G6PD: variants seen among roughly 807,000 people sequenced by gnomAD.
G6PD encodes glucose-6-phosphate dehydrogenase, also known as glucose-6-phosphate 1-dehydrogenase.
Under a neutral mutation model 38.2 loss-of-function variants are expected in G6PD, and 2 were observed. That is an observed-to-expected ratio of 0.05 (90% CI 0.02 to 0.16). The LOEUF is 0.16. Among genes scored for constraint, G6PD ranks in the 10% least tolerant of loss-of-function variants. G6PD has a pLI of 1.00. For synonymous variants in G6PD, 188 were observed against 196.0 expected, an observed-to-expected ratio of 0.96 and a Z score of 0.34; for missense variants, 310 against 471.6, an observed-to-expected ratio of 0.66 and a Z score of 3.17.
intron 2 of G6PD, among the ~76,000 whole-genome samples, chrX:154,545,489 G>A (rs1603414843): frequency 1.8e-5 from 2 of 111,512 alleles, no homozygotes; most frequent in East Asian, 5.6e-4. Flanking sequence ...TCCCTAAAGA[G>A]CCTGCAACTC....
At chrX:154,543,149 G>GA (rs1372468479) in intron 2 of G6PD, among the ~76,000 whole-genome samples, 6 of 112,034 alleles carry the variant, frequency 5.4e-5, no homozygotes, top group African/African-American at 1.6e-4. Flanking sequence ...GCAGGAAGAG[G>GA]AAAAAACAAA....
intron 2 of G6PD, among the ~76,000 whole-genome samples, chrX:154,537,695 A>G (rs1303388705): frequency 8.9e-6 from 1 of 112,565 alleles, no homozygotes; most frequent in East Asian, 2.8e-4. Flanking sequence ...CCCCTGGCAT[A>G]GAGAGTGTTG....
intron 2 of G6PD, chrX:154,545,698 G>C (rs2070684340): frequency 4.3e-6 from 1 of 233,996 alleles, no homozygotes; most frequent in African/African-American, 2.9e-5. Context: ...AGCCGGGTGT[G>C]GTGGTGCATG....
Position 154,531,731 on chromosome X carries a change from C to G in G6PD, c.*269G>C. ...CAGACGAATGGGCGCCCTCCTCCTT[C>G]CTTCTGTTGGGCTGGAGTGAGTGGA... On this transcript the variant is annotated 3_prime_UTR_variant, in exon 13 of 13. Coordinates refer to ENST00000393562, the MANE Select transcript of G6PD (RefSeq NM_001360016.2). The G allele has an allele frequency of 2.6e-6, 1 of 381,311 alleles. No homozygotes were observed. Among genetic ancestry groups the G allele is most frequent in the East Asian group, 4.6e-5 (1 of 21,515 alleles). The allele number at this position is 381,311 out of a possible 1,213,427, so 31.4% of individuals were successfully genotyped here. A position where few individuals can be genotyped will look rare whatever the true frequency, so the allele number is the denominator to read the frequency against.
At chrX:154,542,462 T>C (rs781801725) in intron 2 of G6PD, 4 of 1,168,364 alleles carry the variant, frequency 3.4e-6, no homozygotes, top group Non-Finnish European at 4.6e-6. Flanking sequence ...AGTAAGTACC[T>C]CGGCTCCCTT....
chrX:154,534,774 G>C (rs1816818661), intron 5 of G6PD, among the ~76,000 whole-genome samples: 1 of 111,852 alleles, frequency 8.9e-6, no homozygotes, highest in Admixed American at 9.4e-5. Context: ...TGAGTGGCCT[G>C]AAGGCCTGTA....
chrX:154,546,784 G>GT lies in G6PD; in HGVS notation c.-9+4dup. 1 of 1,158,445 alleles carries GT rather than the reference G, an allele frequency of 8.6e-7. No individual in the cohort carries two copies. Among genetic ancestry groups the GT allele is most frequent in the Admixed American group, 2.5e-5 (1 of 40,048 alleles). On this transcript the variant is annotated splice_donor_region_variant and intron_variant, in intron 1 of 12. Transcript: ENST00000393562. Reference sequence around the variant, plus strand: ...CGCCTGCGCGGCGCCCGCCCGGCCGGTTACCTGCGCTTCGTCGTCGTCGCC... The same window carrying GT: ...CGCCTGCGCGGCGCCCGCCCGGCCGGTTTACCTGCGCTTCGTCGTCGTCGCC...
rs2070401587 is a variant in G6PD at position 154,535,833 on chromosome X, G to A, written c.267+104C>T. ...CAGGCGGGGCGGGGCAGGAGAGGAG[G>A]AGAGCATCCCGGGATGGGATGGGGG... On this transcript the variant is annotated intron_variant, in intron 4 of 12. Transcript: ENST00000393562. The A allele has an allele frequency of 9.3e-6, 6 of 644,188 alleles. No homozygotes were observed. In the South Asian group the frequency reaches 1.4e-4, roughly 15 times the overall value. The allele number at this position is 644,188 out of a possible 1,213,427, so 53.1% of individuals were successfully genotyped here.
At chrX:154,542,110 G>A in intron 2 of G6PD, 1 of 417,699 alleles carries the variant, frequency 2.4e-6, no homozygotes, top group Non-Finnish European at 4.1e-6. Flanking sequence ...GGGCTTTGGG[G>A]GAGTGCCAAC....
In G6PD at chrX:154,532,045, G is replaced by A. The variant is rs2070342758; in HGVS notation, c.1503C>T (p.Phe501=). 2 of 1,208,790 alleles carry A rather than the reference G, an allele frequency of 1.7e-6. No homozygotes were observed. The highest frequency in any genetic ancestry group is 1.8e-5 in the African/African-American group (1 of 57,114). The change falls in exon 13 of 13, where the codon TTC becomes TTT. Residue 501 remains phenylalanine (F), a synonymous_variant. Transcript: ENST00000393562. ...CCCACTTGTAGGTGCCCTCATACTGGAAACCCACTCTCTTCATCAGCTCGT... is the reference window on the plus strand; with the variant it reads ...CCCACTTGTAGGTGCCCTCATACTGAAAACCCACTCTCTTCATCAGCTCGT... ...EADELMKRVG[F]QYEGTYKWVN...
chrX:154,542,648 T>C (rs1295312313), intron 2 of G6PD, among the ~76,000 whole-genome samples: 1 of 112,027 alleles, frequency 8.9e-6, no homozygotes, highest in Non-Finnish European at 1.9e-5. Flanking sequence ...CAGGGTGTCC[T>C]GCTTGCCCAG....
chrX:154,532,177 C>T lies in G6PD; in HGVS notation c.1457+11G>A. 1 of 1,207,946 alleles carries T rather than the reference C, an allele frequency of 8.3e-7. No homozygotes were observed. Among genetic ancestry groups the T allele is most frequent in the East Asian group, 3.0e-5 (1 of 33,716 alleles). On this transcript the variant is annotated intron_variant, in intron 12 of 12. Transcript: ENST00000393562. ...GCTGGGCTCTGTCCCCAGCCCCCAC[C>T]CTTTCCTCACCTGCCATAAATATAG...
Position 154,534,402 on chromosome X carries a change from C to T in G6PD, c.580G>A (p.Asp194Asn), listed in dbSNP as rs1557230358. The T allele has an allele frequency of 8.3e-7, 1 of 1,211,402 alleles. No individual in the cohort carries two copies. Among genetic ancestry groups the T allele is most frequent in the African/African-American group, 1.7e-5 (1 of 57,739 alleles). Residue 194 changes from aspartate (D) to asparagine (N), a missense_variant, in exon 6 of 13, where the codon GAC becomes AAC. Transcript: ENST00000393562. The part of the protein sequence containing the change: ...SNHISSLFRE[D>N]QIYRIDHYLG... ...TAGTGGTCGATGCGGTAGATCTGGT[C>T]CTCACGGAACAGGGAGGAGATGTGG...
At chrX:154,544,407 A>G (rs1336061071) in intron 2 of G6PD, among the ~76,000 whole-genome samples, 1 of 101,673 alleles carries the variant, frequency 9.8e-6, no homozygotes, top group Non-Finnish European at 2.0e-5. Flanking sequence ...TGATCTGCCC[A>G]CCTTGGCCCC....
chrX:154,547,568 T>G (rs2070781990), upstream of G6PD: 1 of 754,513 alleles, frequency 1.3e-6, no homozygotes, highest in South Asian at 6.7e-5. Context: ...CTTCCCGAGT[T>G]CTCGGGGGCG....
Position 154,531,880 on chromosome X carries a change from G to GCCAGAGCC in G6PD, c.*112_*119dup. 9.1e-7 allele frequency: 1 copy of GCCAGAGCC among 1,094,828 alleles called. No homozygotes were observed. The highest frequency in any genetic ancestry group is 2.1e-5 in the South Asian group (1 of 46,863). The allele number at this position is 1,094,828 out of a possible 1,213,427, so 90.2% of individuals were successfully genotyped here. On this transcript the variant is annotated 3_prime_UTR_variant, in exon 13 of 13. Coordinates refer to ENST00000393562, the MANE Select transcript of G6PD (RefSeq NM_001360016.2). ...CAGCAGCGAGGGGCGGGCCAGGGTG[G>GCCAGAGCC]CCAGAGCCCGGGGCCAGGAATGTGC...
chrX:154,532,620 A>C lies in G6PD; in HGVS notation c.1234T>G (p.Phe412Val). The C allele has an allele frequency of 8.2e-7, 1 of 1,212,157 alleles. No individual in the cohort carries two copies. Among genetic ancestry groups the C allele is most frequent in the South Asian group, 1.8e-5 (1 of 57,013 alleles). The change falls in exon 10 of 13, where the codon TTC becomes GTC. Residue 412 changes from phenylalanine to valine, a missense_variant. Coordinates refer to ENST00000393562, the MANE Select transcript of G6PD (RefSeq NM_001360016.2). ...AGCTCCGACTCCTCGGGGTTGAAGA[A>C]CATGCCCGGCTTCTTGGTCATCATC... ...TKMMTKKPGM[F>V]FNPEESELDL... is the part of the protein sequence containing the mutation.
chrX:154,542,711 C>G (rs1192398506), intron 2 of G6PD, among the ~76,000 whole-genome samples: 1 of 112,107 alleles, frequency 8.9e-6, no homozygotes, highest in Non-Finnish European at 1.9e-5. Context: ...TCATGCTGAG[C>G]TTGTTCCCAA....
At chrX:154,540,699 G>A (rs1476762788) in intron 2 of G6PD, among the ~76,000 whole-genome samples, 1 of 109,931 alleles carries the variant, frequency 9.1e-6, no homozygotes, top group African/African-American at 3.3e-5. Flanking sequence ...CCATGGATGG[G>A]TCCATTTCTA....
Sources: gnomAD v4.1 joint callset for allele counts (sites outside exome capture counted in the v4.1 genomes callset) on GRCh38, gnomAD v4.1.1 for gene constraint, MANE v1.5 for transcripts, NCBI Gene and HGNC (gene_info 2026-07-23, HGNC 2026-07-21) for gene names.